The following WDR43 variants were observed in gnomAD, a reference collection of about 807,000 sequenced individuals.
WDR43 encodes the protein WD repeat domain 43.
In WDR43, 13 loss-of-function variants were observed where a neutral mutation model predicts 91.4. That is an observed-to-expected ratio of 0.14 (90% CI 0.09 to 0.23). WDR43 has a LOEUF of 0.23. WDR43 is among the 10% of genes least tolerant of loss of function. WDR43 has a pLI of 1.00. For missense variants in WDR43, 780 were observed against 809.4 expected, an observed-to-expected ratio of 0.96 and a Z score of 0.44; for synonymous variants, 331 against 287.9, an observed-to-expected ratio of 1.15 and a Z score of -1.51.
intron 6 of WDR43, among the ~76,000 whole-genome samples, chr2:28,922,497 C>T (rs925275625): frequency 2.0e-5 from 3 of 152,030 alleles, no homozygotes; most frequent in African/African-American, 4.8e-5. Flanking sequence ...AGGGGCATCT[C>T]CAGACAGCTT....
At chr2:28,910,636 C>G (rs1670775378) in intron 3 of WDR43, among the ~76,000 whole-genome samples, 1 of 147,864 alleles carries the variant, frequency 6.8e-6, no homozygotes, top group Non-Finnish European at 1.5e-5. Context: ...TTTTTTCTAG[C>G]TTTTTACATA....
chr2:28,944,363 T>C (rs776613902), intron 16 of WDR43, among the ~76,000 whole-genome samples: 1 of 152,242 alleles, frequency 6.6e-6, no homozygotes, highest in Non-Finnish European at 1.5e-5. Context: ...AAAAATTGAA[T>C]TTGAATGTGA....
intron 1 of WDR43, among the ~76,000 whole-genome samples, chr2:28,897,727 TAGTG>T (rs1178423805): frequency 6.6e-6 from 1 of 152,202 alleles, no homozygotes; most frequent in Non-Finnish European, 1.5e-5. Context: ...AAAGATTAGT[TAGTG>T]CTGGGTTTCT....
intron 4 of WDR43, among the ~76,000 whole-genome samples, chr2:28,913,155 C>T (rs921399905): frequency 4.6e-5 from 7 of 151,916 alleles, no homozygotes; most frequent in South Asian, 2.1e-4. Context: ...AGGGTTTCAC[C>T]GTGTTAGCTA....
intron 7 of WDR43, among the ~76,000 whole-genome samples, chr2:28,924,761 G>C (rs554906953): frequency 6.6e-6 from 1 of 152,166 alleles, no homozygotes; most frequent in Non-Finnish European, 1.5e-5. Context: ...GACAGAGGGG[G>C]AAGTAGGTCT....
At chr2:28,913,352 A>G (rs1670845159) in intron 4 of WDR43, among the ~76,000 whole-genome samples, 1 of 152,112 alleles carries the variant, frequency 6.6e-6, no homozygotes, top group Admixed American at 6.5e-5. Context: ...AGATTTTGAC[A>G]CAGGGTCTCT....
At position 28,941,583 on chromosome 2, in the gene WDR43, A is replaced by C. The variant is rs1671437937; in HGVS notation, c.1734+9A>C. On this transcript the variant is annotated intron_variant, in intron 15 of 17. Coordinates refer to ENST00000407426, the MANE Select transcript of WDR43 (RefSeq NM_015131.3). ...TTCTTCTAATTACACAAGTGAGTAA[A>C]TCATATTGTTCTGGGCTAAAACTTT... is the stretch of plus-strand genomic sequence containing the variant. The C allele has an allele frequency of 1.3e-6, 2 of 1,593,018 alleles. No homozygotes were observed. The highest frequency in any genetic ancestry group is 1.1e-5 in the South Asian group (1 of 88,680).
chr2:28,908,650 G>A (rs1436260599), intron 3 of WDR43, among the ~76,000 whole-genome samples: 1 of 152,158 alleles, frequency 6.6e-6, no homozygotes, highest in African/African-American at 2.4e-5. Context: ...TTAAACAAGA[G>A]CCTGACCTCT....
At position 28,946,975 on chromosome 2, in the gene WDR43, A is replaced by C; in HGVS notation, c.*196A>C. 1 of 565,390 alleles carries C rather than the reference A, an allele frequency of 1.8e-6. No individual in the cohort carries two copies. Among genetic ancestry groups the C allele is most frequent in the Non-Finnish European group, 3.0e-6 (1 of 329,348 alleles). 35.0% of individuals were successfully genotyped at this position (565,390 alleles called of 1,614,324 possible). The stretch of plus-strand genomic sequence containing the variant: ...AGAGTGTTTCATTCAAATGTTAATA[A>C]ACTTTACACAGTATATAGACACATT... On this transcript the variant is annotated 3_prime_UTR_variant, in exon 18 of 18. Transcript: ENST00000407426.
Position 28,937,969 on chromosome 2 carries a change from C to G in WDR43, c.1595C>G (p.Thr532Arg), listed in dbSNP as rs777153710. ...GTTCAGTGGCTAAAATGTGTGTTAA[C>G]AGTTCATGCATCATACCTGTCCACG... ...LMVQWLKCVLTVHASYLSTLP... is the reference protein window; with the variant it reads ...LMVQWLKCVLRVHASYLSTLP... Residue 532 changes from threonine to arginine, a missense_variant, in exon 14 of 18, where the codon ACA becomes AGA. By Grantham distance (71) the Thr-to-Arg change is moderately conservative (BLOSUM62 -1). Transcript: ENST00000407426. 3.1e-5 allele frequency: 50 copies of G among 1,613,660 alleles called. No individual in the cohort carries two copies. The highest frequency in any genetic ancestry group is 1.6e-4 in the Middle Eastern group (1 of 6,084).
chr2:28,920,211 A>ATT (rs778610482), intron 6 of WDR43, among the ~76,000 whole-genome samples: 2 of 132,004 alleles, frequency 1.5e-5, no homozygotes, highest in Non-Finnish European at 3.2e-5. Flanking sequence ...ATAAAAATAA[A>ATT]TTTTTTTTCT....
rs1353450429 is a variant in WDR43, at chr2:28,941,540, A to G, written c.1700A>G (p.His567Arg). Residue 567 changes from histidine (H) to arginine (R), a missense_variant, in exon 15 of 18, where the codon CAC (histidine) becomes CGC (arginine). Coordinates refer to ENST00000407426, the MANE Select transcript of WDR43 (RefSeq NM_015131.3). Reference protein sequence around the residue: ...SRVKTFQKLSHLHGKLILLIT... With the variant: ...SRVKTFQKLSRLHGKLILLIT... Reference sequence around the variant, plus strand: ...GTCAAAACTTTTCAGAAACTTTCACACCTTCATGGAAAGCTTATTCTTCTA... The same window carrying G: ...GTCAAAACTTTTCAGAAACTTTCACGCCTTCATGGAAAGCTTATTCTTCTA... The G allele has an allele frequency of 6.2e-7, 1 of 1,612,938 alleles. No individual in the cohort carries two copies. The highest frequency in any genetic ancestry group is 8.5e-7 in the Non-Finnish European group (1 of 1,179,458).
chr2:28,909,639 G>T (rs1405743508), intron 3 of WDR43, among the ~76,000 whole-genome samples: 1 of 152,172 alleles, frequency 6.6e-6, no homozygotes, highest in East Asian at 1.9e-4. Context: ...TTGGAAGGCT[G>T]AGGTGGAAGG....
At position 28,901,804 on chromosome 2, in the gene WDR43, C is replaced by T. The variant is rs181118505; in HGVS notation, c.226-183C>T. Reference sequence around the variant, plus strand: ...GTGGGAGACGGGGGACATAGAATTACGAGTTTCTCTTCCCATTGGAGGGAT... The same window carrying T: ...GTGGGAGACGGGGGACATAGAATTATGAGTTTCTCTTCCCATTGGAGGGAT... On this transcript the variant is annotated intron_variant, in intron 1 of 17. Coordinates refer to ENST00000407426, the MANE Select transcript of WDR43 (RefSeq NM_015131.3). 2.8e-3 allele frequency among the ~76,000 whole-genome samples: 425 copies of T among 152,190 alleles called. 4 individuals carry two copies. The highest frequency in any genetic ancestry group is 9.8e-3 in the African/African-American group (407 of 41,520).
intron 3 of WDR43, 43 bp downstream of exon 3, chr2:28,906,624 TA>T: frequency 6.3e-7 from 1 of 1,594,288 alleles, no homozygotes. Flanking sequence ...TAGACGTGGA[TA>T]AATGCTGGAC....
At chr2:28,941,365 G>C (rs1054733460) in intron 14 of WDR43, 96 bp from the exon 15 acceptor site, 7 of 848,786 alleles carry the variant, frequency 8.2e-6, no homozygotes, top group Non-Finnish European at 1.3e-5. Flanking sequence ...GATGTGTGTG[G>C]TGCAGTGGCT....
At chr2:28,896,253 G>GC (rs1361042227) in intron 1 of WDR43, among the ~76,000 whole-genome samples, 4 of 152,142 alleles carry the variant, frequency 2.6e-5, no homozygotes, top group Non-Finnish European at 5.9e-5. Context: ...GTGGACCCAA[G>GC]CTGGCTATAT....
intron 3 of WDR43, among the ~76,000 whole-genome samples, chr2:28,908,572 CGT>C (rs1451088563): frequency 2.7e-5 from 4 of 150,734 alleles, no homozygotes; most frequent in Non-Finnish European, 5.9e-5. Flanking sequence ...AACACGTGTG[CGT>C]TTTATTGTAT....
chr2:28,938,051 G>A (rs540116549), intron 14 of WDR43, 57 bp downstream of exon 14: 1 of 1,577,200 alleles, frequency 6.3e-7, no homozygotes, highest in Admixed American at 1.7e-5. Context: ...GATAAGGATT[G>A]TAAACTTTGA....
Sources: allele counts gnomAD v4.1 joint callset (sites outside exome capture counted in the v4.1 genomes callset), GRCh38; gene constraint gnomAD v4.1.1; transcripts MANE v1.5; gene names NCBI Gene and HGNC (gene_info 2026-07-23, HGNC 2026-07-21).